CDH18: variants seen among roughly 807,000 people sequenced by gnomAD.
The protein encoded by CDH18 is cadherin-18.
Under a neutral mutation model 67.9 loss-of-function variants are expected in CDH18, and 31 were observed. That is an observed-to-expected ratio of 0.46 (90% CI 0.34 to 0.62). The LOEUF is 0.62. Among genes scored for constraint, CDH18 ranks in the 20% least tolerant of loss-of-function variants. The probability of loss-of-function intolerance (pLI) is 0.01; values close to 1 mark genes in which losing one functional copy is unlikely to be tolerated. For missense variants in CDH18, 890 were observed against 975.5 expected (o/e 0.91, Z 1.17); for synonymous variants, 362 against 347.2 (o/e 1.04, Z -0.48).
chr5:19,846,832 A>G (rs1289959249), intron 2 of CDH18, among the ~76,000 whole-genome samples: 1 of 152,126 alleles, frequency 6.6e-6, no homozygotes, highest in Non-Finnish European at 1.5e-5. Flanking sequence ...GAACTCCCTC[A>G]GTATTTAGTC....
intron 5 of CDH18, among the ~76,000 whole-genome samples, chr5:19,656,921 T>G (rs558469423): frequency 2.5e-4 from 38 of 152,018 alleles, no homozygotes; most frequent in South Asian, 1.7e-3. Context: ...AGAAAACCAT[T>G]TATTTATACA....
intron 2 of CDH18, among the ~76,000 whole-genome samples, chr5:20,037,618 A>C (rs1739994911): frequency 6.6e-6 from 1 of 152,180 alleles, no homozygotes; most frequent in Non-Finnish European, 1.5e-5. Flanking sequence ...GTAAATAATG[A>C]AATTAAGGCA....
At chr5:20,056,478 GTTTTTTTTTTT>G (rs58415003) in intron 2 of CDH18, among the ~76,000 whole-genome samples, 330 of 16,278 alleles carry the variant, frequency 0.02, 3 homozygotes, top group African/African-American at 0.065. Context: ...TCTTTCTTTT[GTTTTTTTTTTT>G]TTTTTTTTTT....
intron 2 of CDH18, among the ~76,000 whole-genome samples, chr5:20,205,966 GAATT>G (rs1478242253): frequency 6.6e-6 from 1 of 151,598 alleles, no homozygotes; most frequent in African/African-American, 2.4e-5. Context: ...ATCAAACCCA[GAATT>G]AATACAGGGG....
chr5:20,187,191 T>C (rs1174869063), intron 2 of CDH18, among the ~76,000 whole-genome samples: 1 of 151,818 alleles, frequency 6.6e-6, no homozygotes, highest in East Asian at 1.9e-4. Context: ...ACAAGATGAA[T>C]GAGTTCTGGT....
chr5:19,992,608 A>C (rs943403109), upstream of CDH18, among the ~76,000 whole-genome samples: 2 of 152,150 alleles, frequency 1.3e-5, no homozygotes, highest in African/African-American at 4.8e-5. Context: ...GGAAAGTGGA[A>C]AAGGTATAAG....
At chr5:20,101,595 A>G (rs1746473554) in intron 2 of CDH18, among the ~76,000 whole-genome samples, 1 of 152,220 alleles carries the variant, frequency 6.6e-6, no homozygotes, top group Admixed American at 6.5e-5. Flanking sequence ...CTATGGAATT[A>G]CCAGCAATAA....
At chr5:19,484,446 G>A (rs879467866) in intron 11 of CDH18, among the ~76,000 whole-genome samples, 5 of 152,094 alleles carry the variant, frequency 3.3e-5, no homozygotes, top group Non-Finnish European at 4.4e-5. Context: ...TCCGCAGTGC[G>A]CATAATATAT....
intron 2 of CDH18, among the ~76,000 whole-genome samples, chr5:20,249,082 A>C (rs1743606070): frequency 6.6e-6 from 1 of 152,216 alleles, no homozygotes; most frequent in Admixed American, 6.5e-5. Flanking sequence ...AAGTACAGCG[A>C]AGTATTTATC....
Position 20,368,054 on chromosome 5 carries a change from A to G in CDH18, c.-579-112549T>C, listed in dbSNP as rs1156281006. On this transcript the variant is annotated intron_variant, in intron 1 of 14. Transcript: ENST00000507958. The stretch of plus-strand genomic sequence containing the variant: ...GTTCCACTGTGCAAAAAAAGGATTG[A>G]GAATTGCTTCACAGAGTTTGGGACT... 2.0e-5 allele frequency among the ~76,000 whole-genome samples: 3 copies of G among 152,310 alleles called. No individual in the cohort carries two copies. The East Asian group carries it at 5.8e-4, about 29-fold the overall frequency.
At chr5:20,308,497 C>T (rs563291906) in intron 1 of CDH18, among the ~76,000 whole-genome samples, 6 of 149,968 alleles carry the variant, frequency 4.0e-5, no homozygotes, top group Middle Eastern at 3.5e-3. Context: ...GAGTGGAGAT[C>T]GTGCCACTGG....
chr5:19,571,744 G>T lies in CDH18; in HGVS notation c.1088C>A (p.Pro363His), dbSNP rs1031926484. 6 of 1,613,752 alleles carry T rather than the reference G, an allele frequency of 3.7e-6. No homozygotes were observed. In the African/African-American group the frequency reaches 8.0e-5, roughly 22 times the overall value. ...HLDFRFSHLG[P>H]FKDATMLKII... ...CTTCAGCATAGTAGCATCTTTAAAA[G>T]GACCCAAGTGAGAAAAGCGAAAATC... is the stretch of plus-strand genomic sequence containing the variant. The change falls in exon 8 of 13, where the codon CCT becomes CAT. Residue 363 changes from proline to histidine, a missense_variant. This residue lies in a region of CDH18 where 656 missense variants were observed against 668.1 expected (regional missense o/e 0.98). Coordinates refer to ENST00000382275, the MANE Select transcript of CDH18 (RefSeq NM_004934.5).
chr5:20,086,121 C>A (rs1239398178), intron 2 of CDH18, among the ~76,000 whole-genome samples: 2 of 152,144 alleles, frequency 1.3e-5, no homozygotes, highest in African/African-American at 2.4e-5. Context: ...AGAAAGTGAA[C>A]CAGCCTTATT....
intron 4 of CDH18, among the ~76,000 whole-genome samples, chr5:19,743,261 T>C (rs1189923397): frequency 1.3e-5 from 2 of 152,182 alleles, no homozygotes; most frequent in African/African-American, 2.4e-5. Context: ...TATAGTCCAG[T>C]AGGGCTGGCA....
chr5:20,469,447 A>G (rs148217227), intron 1 of CDH18, among the ~76,000 whole-genome samples: 6 of 152,270 alleles, frequency 3.9e-5, no homozygotes, highest in Non-Finnish European at 8.8e-5. Context: ...AGAGATTGCC[A>G]CTATTGGATA....
At chr5:19,873,152 G>C (rs1307067497) in intron 2 of CDH18, among the ~76,000 whole-genome samples, 2 of 151,088 alleles carry the variant, frequency 1.3e-5, no homozygotes, top group South Asian at 4.2e-4. Flanking sequence ...TTGGGGAAAA[G>C]CTCATGTATA....
chr5:19,706,170 T>C (rs1268632830), intron 5 of CDH18, among the ~76,000 whole-genome samples: 1 of 152,210 alleles, frequency 6.6e-6, no homozygotes, highest in Admixed American at 6.5e-5. Context: ...TACGATTTCA[T>C]ACAGATGAGC....
intron 1 of CDH18, among the ~76,000 whole-genome samples, chr5:20,561,124 T>C (rs567876056): frequency 5.9e-5 from 9 of 152,194 alleles, no homozygotes; most frequent in African/African-American, 1.4e-4. Context: ...GGCAAGGATA[T>C]GAAGCAACAG....
intron 4 of CDH18, among the ~76,000 whole-genome samples, chr5:19,737,616 C>T (rs1463494431): frequency 6.6e-6 from 1 of 152,070 alleles, no homozygotes; most frequent in African/African-American, 2.4e-5. Flanking sequence ...AAAATTATGC[C>T]CCCCTACCAA....
Sources: allele counts gnomAD v4.1 joint callset (sites outside exome capture counted in the v4.1 genomes callset), GRCh38; gene constraint gnomAD v4.1.1; regional missense constraint gnomAD v4.1.1; transcripts MANE v1.5; gene names NCBI Gene and HGNC (gene_info 2026-07-23, HGNC 2026-07-21).